Variants in FAM20A observed in about 807,000 individuals in gnomAD.
FAM20A encodes FAM20A golgi associated secretory pathway pseudokinase, also known as pseudokinase FAM20A.
Under a neutral mutation model 52.0 loss-of-function variants are expected in FAM20A, and 42 were observed. That is an observed-to-expected ratio of 0.81 (90% CI 0.63 to 1.04). The LOEUF is 1.04. Among genes scored for constraint, FAM20A ranks in the 50% least tolerant of loss-of-function variants. The pLI is 0.00. For synonymous variants in FAM20A, 304 were observed against 298.9 expected, an observed-to-expected ratio of 1.02 and a Z score of -0.18; for missense variants, 742 against 712.7, an observed-to-expected ratio of 1.04 and a Z score of -0.47.
intron 4 of FAM20A, 74 bp from the exon 5 acceptor site, chr17:68,543,795 G>A (rs1439404905): frequency 7.7e-7 from 1 of 1,296,924 alleles, no homozygotes; most frequent in East Asian, 2.3e-5. Flanking sequence ...TGATGAGCAT[G>A]ACCAGCGAGA....
intron 1 of FAM20A, among the ~76,000 whole-genome samples, chr17:68,578,557 T>C (rs2087839188): frequency 6.6e-6 from 1 of 152,144 alleles, no homozygotes; most frequent in Non-Finnish European, 1.5e-5. Context: ...TTTTTTGTTC[T>C]TCCGGAATTT....
Position 68,600,833 on chromosome 17 carries a change from C to G in FAM20A, c.-167G>C. The G allele has an allele frequency of 1.5e-6, 1 of 670,910 alleles. No individual in the cohort carries two copies. Among genetic ancestry groups the G allele is most frequent in the Non-Finnish European group, 2.4e-6 (1 of 420,468 alleles). 41.6% of individuals were successfully genotyped at this position (670,910 alleles called of 1,614,324 possible). A position where few individuals can be genotyped will look rare whatever the true frequency, so the allele number is the denominator to read the frequency against. On this transcript the variant is annotated 5_prime_UTR_variant, in exon 1 of 11. Coordinates refer to ENST00000592554, the MANE Select transcript of FAM20A (RefSeq NM_017565.4). This position sits in a 1 kb window ranked among gnomAD's most constrained non-coding sequence, Gnocchi z 6.2. ...GCTAGTCCCCTGTGGAGGGGTGTCG[C>G]TCCTCAACTTGGGGACCAGGTGCAC...
At chr17:68,591,954 T>C (rs1206361414) in intron 1 of FAM20A, 1 of 152,224 alleles carries the variant, frequency 6.6e-6, no homozygotes, top group African/African-American at 2.4e-5. Flanking sequence ...ACCTAATCTT[T>C]CCTGGTGGTG....
Position 68,535,431 on chromosome 17 carries a change from T to C in FAM20A, c.*2046A>G, listed in dbSNP as rs1322615031. 2.2e-6 allele frequency: 1 copy of C among 453,990 alleles called. No individual in the cohort carries two copies. The highest frequency in any genetic ancestry group is 4.4e-6 in the Non-Finnish European group (1 of 226,802). 28.1% of individuals were successfully genotyped at this position (453,990 alleles called of 1,614,324 possible). A position where few individuals can be genotyped will look rare whatever the true frequency, so the allele number is the denominator to read the frequency against. ...TTTGAGGTAGAGCTGTAGCCTGCTTTCCTGAGAGTCTTATTTGGAAGTCCC... is the reference window on the plus strand; with the variant it reads ...TTTGAGGTAGAGCTGTAGCCTGCTTCCCTGAGAGTCTTATTTGGAAGTCCC... On this transcript the variant is annotated 3_prime_UTR_variant, in exon 11 of 11. Coordinates refer to ENST00000592554, the MANE Select transcript of FAM20A (RefSeq NM_017565.4).
intron 5 of FAM20A, among the ~76,000 whole-genome samples, chr17:68,543,157 T>C (rs2086385774): frequency 6.6e-6 from 1 of 152,096 alleles, no homozygotes; most frequent in African/African-American, 2.4e-5. Context: ...GATTGAGTGG[T>C]TCTAGGGTGG....
chr17:68,600,812 G>C lies in FAM20A; in HGVS notation c.-146C>G. 3 of 862,486 alleles carry C rather than the reference G, an allele frequency of 3.5e-6. No individual in the cohort carries two copies. The highest frequency in any genetic ancestry group is 3.6e-5 in the South Asian group (2 of 55,004). 53.4% of individuals were successfully genotyped at this position (862,486 alleles called of 1,614,324 possible). A position where few individuals can be genotyped will look rare whatever the true frequency, so the allele number is the denominator to read the frequency against. On this transcript the variant is annotated 5_prime_UTR_variant, in exon 1 of 11. Coordinates refer to ENST00000592554, the MANE Select transcript of FAM20A (RefSeq NM_017565.4). This position sits in a 1 kb window ranked among gnomAD's most constrained non-coding sequence, Gnocchi z 6.2. ...ACCGGAATGCTCCCCGCGCGGGCTA[G>C]TCCCCTGTGGAGGGGTGTCGCTCCT... is the stretch of plus-strand genomic sequence containing the variant.
At chr17:68,555,874 C>T in intron 1 of FAM20A, 131 bp from the exon 2 acceptor site, 3 of 1,106,172 alleles carry the variant, frequency 2.7e-6, no homozygotes, top group Non-Finnish European at 4.0e-6. Context: ...GAGGGCTAGG[C>T]TTTAAGCTGT....
Position 68,558,651 on chromosome 17 carries a change from C to G in FAM20A, c.405-2908G>C, listed in dbSNP as rs146150948. ...CAGAAGCAGCATGCTTCCTGTACAGCCTGCAGAACCATGAGCCAATTACAT... is the reference window on the plus strand; with the variant it reads ...CAGAAGCAGCATGCTTCCTGTACAGGCTGCAGAACCATGAGCCAATTACAT... On this transcript the variant is annotated intron_variant, in intron 1 of 10. Coordinates refer to ENST00000592554, the MANE Select transcript of FAM20A (RefSeq NM_017565.4). Among the ~76,000 whole-genome samples, 1,095 of 152,300 alleles carry G rather than the reference C, an allele frequency of 7.2e-3. 16 individuals are homozygous for G. Among genetic ancestry groups the G allele is most frequent in the African/African-American group, 0.025 (1,039 of 41,568 alleles).
chr17:68,570,865 A>G (rs1404139039), intron 1 of FAM20A, among the ~76,000 whole-genome samples: 2 of 152,246 alleles, frequency 1.3e-5, no homozygotes, highest in Non-Finnish European at 2.9e-5. Flanking sequence ...TTCTGTTTTG[A>G]GAGCTCATAC....
intron 1 of FAM20A, among the ~76,000 whole-genome samples, chr17:68,585,336 C>G (rs2143881970): frequency 6.6e-6 from 1 of 152,060 alleles, no homozygotes; most frequent in Middle Eastern, 3.4e-3. Flanking sequence ...TAATATCCCT[C>G]TATTCAACCC....
chr17:68,584,936 G>T (rs534387275), intron 1 of FAM20A, among the ~76,000 whole-genome samples: 1 of 152,292 alleles, frequency 6.6e-6, no homozygotes, highest in South Asian at 2.1e-4. Context: ...ACCCAGAGAG[G>T]CCACTGGTGA....
At chr17:68,540,581 G>A (rs2143470889) in intron 8 of FAM20A, 1 of 559,466 alleles carries the variant, frequency 1.8e-6, no homozygotes, top group Non-Finnish European at 3.4e-6. Context: ...TGAACATACA[G>A]CTTCCAATCT....
chr17:68,547,153 C>T (rs1424461433), intron 4 of FAM20A, among the ~76,000 whole-genome samples: 3 of 152,120 alleles, frequency 2.0e-5, no homozygotes, highest in Non-Finnish European at 4.4e-5. Flanking sequence ...TTTAGCATCA[C>T]TCTTGAGGGC....
In FAM20A at chr17:68,565,897, C is replaced by G. The variant is rs139113587; in HGVS notation, c.405-10154G>C. On this transcript the variant is annotated intron_variant, in intron 1 of 10. Coordinates refer to ENST00000592554, the MANE Select transcript of FAM20A (RefSeq NM_017565.4). ...CCTCCTATGAAATCCTTCAATAGGT[C>G]CTTGTTGTCCGTGGACTCTCATCCA... is the stretch of plus-strand genomic sequence containing the variant. Among the ~76,000 whole-genome samples, 723 of 152,292 alleles carry G rather than the reference C, an allele frequency of 4.7e-3. 2 individuals are homozygous for G. Among genetic ancestry groups the G allele is most frequent in the Non-Finnish European group, 7.4e-3 (503 of 68,020 alleles).
intron 3 of FAM20A, among the ~76,000 whole-genome samples, chr17:68,553,656 C>T (rs754660980): frequency 2.6e-5 from 4 of 151,928 alleles, no homozygotes; most frequent in Non-Finnish European, 4.4e-5. Context: ...TGGGCCTCAC[C>T]GTCTGAACTT....
chr17:68,597,390 AT>A (rs5821666), intron 1 of FAM20A, among the ~76,000 whole-genome samples: 28,088 of 146,784 alleles, frequency 0.19, 2,934 homozygotes, highest in East Asian at 0.35. Context: ...AGGCATCCAC[AT>A]TTTTTTTTTT....
chr17:68,586,470 C>A (rs2088167312), intron 1 of FAM20A, among the ~76,000 whole-genome samples: 1 of 152,192 alleles, frequency 6.6e-6, no homozygotes, highest in Non-Finnish European at 1.5e-5. Flanking sequence ...GAGATGAGAT[C>A]ATCTTGAATC....
intron 4 of FAM20A, among the ~76,000 whole-genome samples, chr17:68,550,145 C>CTT (rs1275052586): frequency 6.6e-6 from 1 of 152,168 alleles, no homozygotes; most frequent in South Asian, 2.1e-4. Context: ...CAACTTGACT[C>CTT]TAAGTGATGA....
rs1474855856 is a variant in FAM20A, at chr17:68,542,058, A to G, written c.1036T>C (p.Ser346Pro). 1.2e-6 allele frequency: 2 copies of G among 1,614,122 alleles called. No homozygotes were observed. Among genetic ancestry groups the G allele is most frequent in the East Asian group, 2.2e-5 (1 of 44,862 alleles). ...LEGSLSAFLP[S>P]LNLAPRLSVP... ...GACAGCCTGGGGGCCAGGTTGAGGG[A>G]CGGCAGGAAGGCAGAGAGGGAACCC... The change falls in exon 7 of 11, where the codon TCC becomes CCC. Residue 346 changes from serine (S) to proline (P), a missense_variant. By Grantham distance (74) the Ser-to-Pro change is moderately conservative. Coordinates refer to ENST00000592554, the MANE Select transcript of FAM20A (RefSeq NM_017565.4).
Sources: allele counts gnomAD v4.1 joint callset (sites outside exome capture counted in the v4.1 genomes callset), GRCh38; gene constraint gnomAD v4.1.1; non-coding constraint Gnocchi (gnomAD v3.1); transcripts MANE v1.5; gene names NCBI Gene and HGNC (gene_info 2026-07-23, HGNC 2026-07-21).